Variants in HID1 observed in about 807,000 individuals in gnomAD.
HID1 encodes HID1 domain containing.
A neutral mutation model predicts 89.7 loss-of-function variants in HID1; 42 were observed. That is an observed-to-expected ratio of 0.47 (90% CI 0.37 to 0.61). The LOEUF is 0.61. Among genes scored for constraint, HID1 ranks in the 20% least tolerant of loss-of-function variants. The probability of loss-of-function intolerance (pLI) is 0.00; values close to 1 mark genes in which losing one functional copy is unlikely to be tolerated. For missense variants in HID1, 854 were observed against 1,039.3 expected (o/e 0.82, Z 2.45); for synonymous variants, 442 against 433.8 (o/e 1.02, Z -0.24).
Position 74,951,223 on chromosome 17 carries a change from A to ATG in HID1, c.*346_*347insCA. On this transcript the variant is annotated 3_prime_UTR_variant, in exon 19 of 19. Coordinates refer to ENST00000425042, the MANE Select transcript of HID1 (RefSeq NM_030630.3). ...CAAACCCCTTAGGGCACAGTGACCC[A>ATG]TTGGCTTCTGCCTCTGGGGCTGGGT... The ATG allele has an allele frequency of 3.0e-6, 1 of 338,870 alleles. No individual in the cohort carries two copies. Among genetic ancestry groups the ATG allele is most frequent in the Non-Finnish European group, 5.4e-6 (1 of 183,760 alleles). The allele number at this position is 338,870 out of a possible 1,614,324, so 21.0% of individuals were successfully genotyped here. A position where few individuals can be genotyped will look rare whatever the true frequency, so the allele number is the denominator to read the frequency against.
At chr17:74,953,995 C>T (rs897027859) in intron 14 of HID1, 143 bp downstream of exon 14, 6 of 819,466 alleles carry the variant, frequency 7.3e-6, no homozygotes, top group South Asian at 3.1e-5. Flanking sequence ...ACCCTCCCCC[C>T]ATCCCTGTTG....
intron 15 of HID1, 144 bp downstream of exon 15, chr17:74,953,401 C>T (rs1451690760): frequency 2.3e-5 from 15 of 657,618 alleles, no homozygotes; most frequent in East Asian, 2.2e-4. Flanking sequence ...GAGTCAGCAG[C>T]GCTGACCCTA....
intron 6 of HID1, 166 bp downstream of exon 6, chr17:74,961,707 C>CA (rs1360681177): frequency 2.5e-6 from 1 of 398,284 alleles, no homozygotes; most frequent in African/African-American, 2.1e-5. Flanking sequence ...TCGAGGACTC[C>CA]AAGGAGAGAC....
At chr17:74,964,943 C>G (rs1296746469) in intron 1 of HID1, among the ~76,000 whole-genome samples, 1 of 152,234 alleles carries the variant, frequency 6.6e-6, no homozygotes, top group East Asian at 1.9e-4. Flanking sequence ...GCAAAGCAGG[C>G]TGACCTCCCC....
intron 3 of HID1, 149 bp from the exon 4 acceptor site, chr17:74,963,230 C>T: frequency 1.7e-6 from 1 of 581,892 alleles, no homozygotes; most frequent in Non-Finnish European, 3.0e-6. Context: ...CTCCTGGTTG[C>T]CCCAAACCTC....
rs2039495579 is a variant in HID1, at chr17:74,962,343, G to A, written c.505-3C>T. On this transcript the variant is annotated splice_region_variant and splice_polypyrimidine_tract_variant and intron_variant, in intron 4 of 18. Coordinates refer to ENST00000425042, the MANE Select transcript of HID1 (RefSeq NM_030630.3). The surrounding 1 kb of genome is among the most constrained non-coding windows in gnomAD (Gnocchi z 4.3). ...GAGTGGACGTCCTCTGCCGAGTCCT[G>A]GGGACAGGCCAGGAAGAAGCCGGGT... 14 of 1,603,722 alleles carry A rather than the reference G, an allele frequency of 8.7e-6. No individual in the cohort carries two copies. The highest frequency in any genetic ancestry group is 1.1e-5 in the Non-Finnish European group (13 of 1,172,090).
chr17:74,954,485 G>A (rs918530798), intron 13 of HID1, 120 bp from the exon 14 acceptor site: 2 of 1,517,890 alleles, frequency 1.3e-6, no homozygotes, highest in African/African-American at 1.4e-5. Flanking sequence ...CCAAGGGGTT[G>A]GAGATGGTAC....
At chr17:74,961,753 T>A in intron 6 of HID1, 120 bp downstream of exon 6, 1 of 508,340 alleles carries the variant, frequency 2.0e-6, no homozygotes, top group Non-Finnish European at 3.4e-6. Context: ...AAGTTAAAGT[T>A]CATCACCACC....
chr17:74,960,754 T>C (rs2039467118), intron 6 of HID1, among the ~76,000 whole-genome samples: 1 of 151,848 alleles, frequency 6.6e-6, no homozygotes, highest in Non-Finnish European at 1.5e-5. Context: ...TCTTCTGGAG[T>C]AGGGTGGAAG....
At chr17:74,970,121 C>T (rs1199474019) in intron 1 of HID1, among the ~76,000 whole-genome samples, 1 of 150,468 alleles carries the variant, frequency 6.6e-6, no homozygotes, top group Non-Finnish European at 1.5e-5. Flanking sequence ...TTCTCCATGT[C>T]GCTCAGGCTG....
At position 74,954,118 on chromosome 17, in the gene HID1, C is replaced by T. The variant is rs750973156; in HGVS notation, c.1864+20G>A. 1.0e-5 allele frequency: 16 copies of T among 1,571,806 alleles called. No individual in the cohort carries two copies. The highest frequency in any genetic ancestry group is 1.3e-5 in the Non-Finnish European group (15 of 1,156,876). On this transcript the variant is annotated intron_variant, in intron 14 of 18. Coordinates refer to ENST00000425042, the MANE Select transcript of HID1 (RefSeq NM_030630.3). The stretch of plus-strand genomic sequence containing the variant: ...GCCACACCAGTATCCACACTCCTGT[C>T]CCATCCACTAGCACCAGACCTGGAG...
chr17:74,954,417 C>A (rs756903394), intron 13 of HID1, 52 bp from the exon 14 acceptor site: 1 of 1,547,456 alleles, frequency 6.5e-7, no homozygotes, highest in Non-Finnish European at 8.7e-7. Flanking sequence ...CAGCTCCCCC[C>A]GTCCAATCTG....
At chr17:74,954,599 C>T (rs2039360821) in intron 13 of HID1, 3 of 680,716 alleles carry the variant, frequency 4.4e-6, no homozygotes, top group Non-Finnish European at 2.4e-6. Flanking sequence ...ACACCCCCGC[C>T]CCAGTGCCTT....
intron 6 of HID1, 84 bp from the exon 7 acceptor site, chr17:74,960,332 C>A: frequency 8.5e-7 from 1 of 1,181,740 alleles, no homozygotes; most frequent in South Asian, 1.5e-5. Flanking sequence ...GTGGGAAGGT[C>A]AGCCTCATTC....
At chr17:74,955,709 C>T in intron 13 of HID1, 83 bp downstream of exon 13, 1 of 1,348,126 alleles carries the variant, frequency 7.4e-7, no homozygotes, top group Non-Finnish European at 1.0e-6. Context: ...TCCCAGAGGC[C>T]ACCTCCTGGG....
intron 13 of HID1, chr17:74,954,642 T>A: frequency 1.9e-6 from 1 of 523,472 alleles, no homozygotes; most frequent in South Asian, 2.1e-5. Context: ...ACTAAACAGC[T>A]AACACCTGGC....
chr17:74,972,728 G>C lies in HID1; in HGVS notation c.-72C>G. The stretch of plus-strand genomic sequence containing the variant: ...GGCTCCGGCTTCAGCTCCGGCTCCA[G>C]CTCCGCGGCCCCCGCGGCTCTCGCA... On this transcript the variant is annotated 5_prime_UTR_variant, in exon 1 of 19. Transcript: ENST00000425042. This position sits in a 1 kb window ranked among gnomAD's most constrained non-coding sequence, Gnocchi z 6.4. 7.2e-7 allele frequency: 1 copy of C among 1,392,344 alleles called. No homozygotes were observed. The highest frequency in any genetic ancestry group is 9.6e-7 in the Non-Finnish European group (1 of 1,041,180). 86.2% of individuals were successfully genotyped at this position (1,392,344 alleles called of 1,614,324 possible). A position where few individuals can be genotyped will look rare whatever the true frequency, so the allele number is the denominator to read the frequency against.
In HID1 at chr17:74,962,427, A is replaced by T; in HGVS notation, c.505-87T>A. The stretch of plus-strand genomic sequence containing the variant: ...AGAACCTGGCCACCTCGAGCCTCAC[A>T]CAGTCCCAGGGGCAGAGACCGCCAG... On this transcript the variant is annotated intron_variant, in intron 4 of 18. Coordinates refer to ENST00000425042, the MANE Select transcript of HID1 (RefSeq NM_030630.3). This position sits in a 1 kb window ranked among gnomAD's most constrained non-coding sequence, Gnocchi z 4.3. 2 of 831,836 alleles carry T rather than the reference A, an allele frequency of 2.4e-6. No homozygotes were observed. Among genetic ancestry groups the T allele is most frequent in the Admixed American group, 2.3e-5 (1 of 42,960 alleles). The allele number at this position is 831,836 out of a possible 1,614,324, so 51.5% of individuals were successfully genotyped here.
At chr17:74,953,215 GC>G (rs2039333831) in intron 15 of HID1, 129 bp from the exon 16 acceptor site, 2 of 844,550 alleles carry the variant, frequency 2.4e-6, no homozygotes, top group Non-Finnish European at 3.6e-6. Flanking sequence ...AGCAGCCTTT[GC>G]CCCAGGCCCT....
Sources: gnomAD v4.1 joint callset for allele counts (sites outside exome capture counted in the v4.1 genomes callset) on GRCh38, gnomAD v4.1.1 for gene constraint, Gnocchi (gnomAD v3.1) non-coding constraint, MANE v1.5 for transcripts, NCBI Gene and HGNC (gene_info 2026-07-23, HGNC 2026-07-21) for gene names.